ENTREP2: variants seen among roughly 807,000 people sequenced by gnomAD.
ENTREP2 encodes the protein protein ENTREP2.
At chr15:29,119,569 TG>T in the ENTREP2 span, among the ~76,000 whole-genome samples, 70 of 30,282 alleles carry the variant, frequency 2.3e-3, 17 homozygotes, top group South Asian at 1.0e-2. Flanking sequence ...CTGCACAATG[TG>T]CACATGTACC....
the ENTREP2 span, among the ~76,000 whole-genome samples, chr15:29,662,473 T>C: frequency 6.6e-6 from 1 of 152,172 alleles, no homozygotes; most frequent in Non-Finnish European, 1.5e-5. Context: ...ATAGTGATAT[T>C]CATGACCATC....
At chr15:29,359,647 G>A in the ENTREP2 span, among the ~76,000 whole-genome samples, 8 of 152,074 alleles carry the variant, frequency 5.3e-5, no homozygotes, top group South Asian at 2.1e-4. Flanking sequence ...TCCTGACCTC[G>A]TGATCTGCCC....
chr15:29,164,115 T>G, the ENTREP2 span, among the ~76,000 whole-genome samples: 1 of 152,192 alleles, frequency 6.6e-6, no homozygotes, highest in Non-Finnish European at 1.5e-5. Flanking sequence ...AAACAAATGC[T>G]GAGAGAATTC....
At chr15:29,656,528 G>C in the ENTREP2 span, among the ~76,000 whole-genome samples, 1 of 152,194 alleles carries the variant, frequency 6.6e-6, no homozygotes, top group South Asian at 2.1e-4. Context: ...TGCCTGGCCA[G>C]TAAATTTTTA....
chr15:29,196,149 T>C, the ENTREP2 span, among the ~76,000 whole-genome samples: 1 of 152,172 alleles, frequency 6.6e-6, no homozygotes, highest in Non-Finnish European at 1.5e-5. Context: ...GATCCCATCA[T>C]CATTTGTAAA....
At chr15:29,556,767 C>CA in the ENTREP2 span, among the ~76,000 whole-genome samples, 2 of 110,920 alleles carry the variant, frequency 1.8e-5, no homozygotes, top group South Asian at 3.2e-4. Context: ...CAGGTGCCCC[C>CA]CCCCCGCCCC....
the ENTREP2 span, among the ~76,000 whole-genome samples, chr15:29,118,755 G>C: frequency 2.0e-5 from 3 of 152,142 alleles, no homozygotes; most frequent in Non-Finnish European, 2.9e-5. Context: ...TGCACCTGTG[G>C]GTCCTTTGCA....
chr15:29,224,320 C>T, the ENTREP2 span, among the ~76,000 whole-genome samples: 1 of 152,236 alleles, frequency 6.6e-6, no homozygotes, highest in East Asian at 1.9e-4. Context: ...AGTTTGGACC[C>T]AAAGAGTGAG....
the ENTREP2 span, among the ~76,000 whole-genome samples, chr15:29,242,398 AT>A: frequency 6.6e-6 from 1 of 152,208 alleles, no homozygotes; most frequent in African/African-American, 2.4e-5. Context: ...AAAAACGTGT[AT>A]ATTTTTTAAA....
the ENTREP2 span, among the ~76,000 whole-genome samples, chr15:29,165,880 A>G: frequency 6.6e-6 from 1 of 152,178 alleles, no homozygotes; most frequent in Admixed American, 6.5e-5. Flanking sequence ...AAAGAAAACT[A>G]CAGACCGATA....
the ENTREP2 span, among the ~76,000 whole-genome samples, chr15:29,190,483 A>G: frequency 6.6e-6 from 1 of 152,120 alleles, no homozygotes; most frequent in East Asian, 1.9e-4. Context: ...CAACATCTGC[A>G]TGCTCTTCTG....
chr15:29,500,936 C>G, the ENTREP2 span, among the ~76,000 whole-genome samples: 13 of 151,896 alleles, frequency 8.6e-5, 1 homozygote, highest in South Asian at 1.4e-3. Flanking sequence ...TCTATGAAAG[C>G]TGGATACCAT....
At chr15:29,567,328 T>C in the ENTREP2 span, among the ~76,000 whole-genome samples, 1 of 152,194 alleles carries the variant, frequency 6.6e-6, no homozygotes, top group Non-Finnish European at 1.5e-5. Flanking sequence ...TAAATTTCTC[T>C]TGTATCTTCA....
At chr15:29,628,263 T>C in the ENTREP2 span, among the ~76,000 whole-genome samples, 1 of 152,264 alleles carries the variant, frequency 6.6e-6, no homozygotes, top group East Asian at 1.9e-4. Flanking sequence ...TGGCCATTTG[T>C]ACAGCTCCTT....
the ENTREP2 span, among the ~76,000 whole-genome samples, chr15:29,641,724 C>T: frequency 2.7e-5 from 4 of 150,110 alleles, no homozygotes; most frequent in African/African-American, 9.9e-5. Flanking sequence ...CCCAGCTACT[C>T]AGAAGGCTGA....
chr15:29,235,154 G>C, the ENTREP2 span: 1 of 816,068 alleles, frequency 1.2e-6, no homozygotes, highest in South Asian at 1.4e-5. Flanking sequence ...GCCTGAGCGA[G>C]GTGGGAGGGG....
the ENTREP2 span, among the ~76,000 whole-genome samples, chr15:29,176,173 C>T: frequency 1.3e-5 from 2 of 152,016 alleles, no homozygotes; most frequent in Admixed American, 6.5e-5. Flanking sequence ...CTGCATTTAA[C>T]TGATATTCTA....
chr15:29,150,191 G>A, the ENTREP2 span, among the ~76,000 whole-genome samples: 1 of 152,192 alleles, frequency 6.6e-6, no homozygotes, highest in Non-Finnish European at 1.5e-5. Context: ...GACACACCCA[G>A]AGTCACCTGC....
At chr15:29,123,082 T>C in the ENTREP2 span, 3 of 470,226 alleles carry the variant, frequency 6.4e-6, no homozygotes, top group African/African-American at 3.8e-5. Context: ...GAGAGTTCAC[T>C]GTGGACGTGA....
Sources: allele counts gnomAD v4.1 joint callset (sites outside exome capture counted in the v4.1 genomes callset), GRCh38; gene constraint gnomAD v4.1.1; transcripts MANE v1.5; gene names NCBI Gene and HGNC (gene_info 2026-07-23, HGNC 2026-07-21).